STX8: variants seen among roughly 807,000 people sequenced by gnomAD.
The protein encoded by STX8 is syntaxin-8.
A neutral mutation model predicts 37.5 loss-of-function variants in STX8; 23 were observed. The ratio of observed to expected loss-of-function variants is 0.61; its 90% CI spans 0.44 to 0.87. The LOEUF is 0.87. STX8 is among the 40% of genes least tolerant of loss of function. The probability of loss-of-function intolerance (pLI) is 0.00; values close to 1 mark genes in which losing one functional copy is unlikely to be tolerated. For synonymous variants in STX8, 115 were observed against 99.1 expected (o/e 1.16, Z -0.95); for missense variants, 313 against 284.7 (o/e 1.10, Z -0.71).
chr17:9,368,936 TTA>T (rs1491549061), intron 7 of STX8, among the ~76,000 whole-genome samples: 2 of 145,344 alleles, frequency 1.4e-5, no homozygotes, highest in Non-Finnish European at 3.1e-5. Context: ...TTTTTTTTTT[TTA>T]AAGAAACAGG....
chr17:9,291,890 G>A (rs1908323789), intron 7 of STX8, among the ~76,000 whole-genome samples: 1 of 152,206 alleles, frequency 6.6e-6, no homozygotes, highest in Non-Finnish European at 1.5e-5. Context: ...TGGTTCTGCA[G>A]GCTAAACTCT....
rs550939925 is a variant in STX8 at position 9,429,064 on chromosome 17, C to G, written c.542-50411G>C. Among the ~76,000 whole-genome samples the G allele has an allele frequency of 1.4e-4, 21 of 152,018 alleles. No individual in the cohort carries two copies. In the South Asian group the frequency reaches 4.4e-3, roughly 32 times the overall value. On this transcript the variant is annotated intron_variant, in intron 6 of 7. Transcript: ENST00000306357. The stretch of plus-strand genomic sequence containing the variant: ...GTGCAAACATATTAATCCTTAATTA[C>G]CCAGAAGATTCAGTTAACCAGAACA...
chr17:9,272,325 G>A (rs535736835), intron 7 of STX8, among the ~76,000 whole-genome samples: 9 of 152,364 alleles, frequency 5.9e-5, no homozygotes, highest in Non-Finnish European at 1.0e-4. Context: ...CCGAGGAAAT[G>A]CCCTGAGAAG....
intron 7 of STX8, among the ~76,000 whole-genome samples, chr17:9,253,381 C>T (rs916679830): frequency 5.3e-5 from 8 of 152,084 alleles, no homozygotes; most frequent in Non-Finnish European, 1.2e-4. Context: ...GATTTCTGCT[C>T]CAGAAACATC....
At chr17:9,360,052 C>T (rs1401421657) in intron 7 of STX8, among the ~76,000 whole-genome samples, 2 of 151,742 alleles carry the variant, frequency 1.3e-5, no homozygotes, top group African/African-American at 2.4e-5. Flanking sequence ...GTTTCCTGAG[C>T]CTGACATACG....
intron 7 of STX8, among the ~76,000 whole-genome samples, chr17:9,299,282 ACATGGTTAATTCCC>A (rs1309071320): frequency 6.6e-6 from 1 of 152,092 alleles, no homozygotes; most frequent in Non-Finnish European, 1.5e-5. Context: ...AAATGTGGTC[ACATGGTTAATTCCC>A]AATCTATGCT....
chr17:9,556,750 AATATATATAT>A (rs575240217), intron 3 of STX8: 1,574 of 99,504 alleles, frequency 0.016, 30 homozygotes, highest in African/African-American at 0.02. Context: ...GAATTTCTAA[AATATATATAT>A]ATATATATAT....
chr17:9,259,621 C>T (rs946283322), intron 7 of STX8, among the ~76,000 whole-genome samples: 1 of 152,114 alleles, frequency 6.6e-6, no homozygotes, highest in Admixed American at 6.6e-5. Context: ...CTGTGCTGGG[C>T]GGAATGCTGG....
chr17:9,518,868 C>CAAAA (rs58589067), intron 4 of STX8, among the ~76,000 whole-genome samples: 25 of 99,978 alleles, frequency 2.5e-4, no homozygotes, highest in African/African-American at 8.3e-4. Flanking sequence ...GACTCCGTCT[C>CAAAA]AAAAAAAAAA....
In STX8 at chr17:9,551,460, A is replaced by G. The variant is rs186880771; in HGVS notation, c.212+5974T>C. On this transcript the variant is annotated intron_variant, in intron 3 of 7. Coordinates refer to ENST00000306357, the MANE Select transcript of STX8 (RefSeq NM_004853.3). ...AATGATAAAATAATCAATAGCAGCTAATCCTCAAGGAGGACTTAGTATATG... is the reference window on the plus strand; with the variant it reads ...AATGATAAAATAATCAATAGCAGCTGATCCTCAAGGAGGACTTAGTATATG... Among the ~76,000 whole-genome samples the G allele has an allele frequency of 2.6e-4, 39 of 152,334 alleles. No individual in the cohort carries two copies. In the East Asian group the frequency reaches 4.8e-3, roughly 19 times the overall value.
chr17:9,438,259 A>AT, intron 6 of STX8, among the ~76,000 whole-genome samples: 1 of 146,354 alleles, frequency 6.8e-6, no homozygotes, highest in Non-Finnish European at 1.5e-5. Context: ...AAAAAAAAAA[A>AT]GGCCATTTCT....
At chr17:9,491,969 C>T in intron 5 of STX8, 48 bp from the exon 6 acceptor site, 1 of 1,412,420 alleles carries the variant, frequency 7.1e-7, no homozygotes, top group Non-Finnish European at 9.9e-7. Flanking sequence ...AAGAAAACAA[C>T]TTAAAGTCCA....
intron 6 of STX8, among the ~76,000 whole-genome samples, chr17:9,427,391 T>A (rs1913674920): frequency 6.6e-6 from 1 of 152,144 alleles, no homozygotes. Flanking sequence ...CTGAGACTTG[T>A]GTGTTGAAGG....
chr17:9,295,876 C>G (rs557715218), intron 7 of STX8, among the ~76,000 whole-genome samples: 15 of 117,004 alleles, frequency 1.3e-4, no homozygotes, highest in African/African-American at 4.0e-4. Flanking sequence ...GAAACCCCAT[C>G]TCTACCAAAA....
intron 7 of STX8, among the ~76,000 whole-genome samples, chr17:9,290,451 T>C (rs1366804465): frequency 6.6e-6 from 1 of 152,184 alleles, no homozygotes. Context: ...TCTTGGCTGC[T>C]CAGCAAGCAC....
At chr17:9,433,469 CCATT>C (rs1230068043) in intron 6 of STX8, among the ~76,000 whole-genome samples, 4 of 152,140 alleles carry the variant, frequency 2.6e-5, no homozygotes, top group Non-Finnish European at 5.9e-5. Flanking sequence ...TGAAAAGCAT[CCATT>C]CATTCTTTCA....
At chr17:9,300,486 A>G (rs1908732245) in intron 7 of STX8, among the ~76,000 whole-genome samples, 1 of 152,098 alleles carries the variant, frequency 6.6e-6, no homozygotes, top group Admixed American at 6.6e-5. Flanking sequence ...TTGGGTTTTG[A>G]ACCTTAGAAA....
intron 7 of STX8, among the ~76,000 whole-genome samples, chr17:9,309,312 T>G (rs1296672073): frequency 6.6e-6 from 1 of 152,190 alleles, no homozygotes; most frequent in Non-Finnish European, 1.5e-5. Context: ...AGCCCTCTTC[T>G]TCACTTAACC....
chr17:9,538,190 A>G (rs1208076619), intron 4 of STX8, among the ~76,000 whole-genome samples: 1 of 152,202 alleles, frequency 6.6e-6, no homozygotes, highest in East Asian at 1.9e-4. Context: ...ATCTGTACTG[A>G]TTTCAGCACA....
Sources: gnomAD v4.1 joint callset for allele counts (sites outside exome capture counted in the v4.1 genomes callset) on GRCh38, gnomAD v4.1.1 for gene constraint, MANE v1.5 for transcripts, NCBI Gene and HGNC (gene_info 2026-07-23, HGNC 2026-07-21) for gene names.